Variants in RERE observed in about 807,000 individuals in gnomAD.
RERE encodes the protein arginine-glutamic acid dipeptide repeats, also known as arginine-glutamic acid dipeptide repeats protein.
Under a neutral mutation model 146.1 loss-of-function variants are expected in RERE, and 40 were observed. The observed-to-expected ratio is 0.27, with a 90% CI of 0.21 to 0.36. RERE has a LOEUF of 0.36. RERE is among the 10% of genes least tolerant of loss of function. The pLI is 1.00. For missense variants in RERE, 1,933 were observed against 2,138.7 expected, an observed-to-expected ratio of 0.90 and a Z score of 1.90; for synonymous variants, 1,003 against 866.0, an observed-to-expected ratio of 1.16 and a Z score of -2.78.
intron 1 of RERE, among the ~76,000 whole-genome samples, chr1:8,794,444 A>G (rs887031020): frequency 6.6e-6 from 1 of 151,904 alleles, no homozygotes; most frequent in African/African-American, 2.4e-5. Flanking sequence ...TTTATATTAA[A>G]GGGTCCTGGA....
At chr1:8,563,610 A>G (rs1478602859) in intron 4 of RERE, among the ~76,000 whole-genome samples, 4 of 152,220 alleles carry the variant, frequency 2.6e-5, no homozygotes, top group Non-Finnish European at 5.9e-5. Flanking sequence ...TAGCAAATAA[A>G]TAACTTTGCC....
chr1:8,618,332 T>G (rs1186572609), intron 3 of RERE, among the ~76,000 whole-genome samples: 5 of 152,156 alleles, frequency 3.3e-5, no homozygotes, highest in Non-Finnish European at 7.3e-5. Context: ...GAGGCTTAAG[T>G]GTATTTCCTA....
At chr1:8,794,354 T>C (rs1641424693) in intron 1 of RERE, among the ~76,000 whole-genome samples, 2 of 93,148 alleles carry the variant, frequency 2.1e-5, no homozygotes, top group Admixed American at 1.7e-4. Flanking sequence ...CGAGACTCCG[T>C]CTCAAAAAAA....
chr1:8,646,028 T>C (rs1225632141), intron 2 of RERE, among the ~76,000 whole-genome samples: 1 of 151,970 alleles, frequency 6.6e-6, no homozygotes, highest in Non-Finnish European at 1.5e-5. Context: ...TCCAAAGACA[T>C]ACAACTAAGA....
chr1:8,542,988 A>C (rs1359147602), intron 6 of RERE, among the ~76,000 whole-genome samples: 1 of 152,200 alleles, frequency 6.6e-6, no homozygotes, highest in African/African-American at 2.4e-5. Flanking sequence ...ATTTTATTTG[A>C]TCTTAACAAA....
At chr1:8,596,635 A>C (rs1439755781) in intron 4 of RERE, among the ~76,000 whole-genome samples, 3 of 150,006 alleles carry the variant, frequency 2.0e-5, no homozygotes, top group South Asian at 2.1e-4. Flanking sequence ...TGGCCTCCCA[A>C]GTAGTTGGGA....
At chr1:8,458,074 A>G (rs1256346067) in intron 11 of RERE, among the ~76,000 whole-genome samples, 7 of 152,278 alleles carry the variant, frequency 4.6e-5, no homozygotes, top group East Asian at 1.9e-4. Flanking sequence ...TAAGACTCCA[A>G]TGTCACTATA....
chr1:8,400,396 C>T (rs1370713689), intron 12 of RERE, among the ~76,000 whole-genome samples: 1 of 151,956 alleles, frequency 6.6e-6, no homozygotes, highest in Admixed American at 6.6e-5. Flanking sequence ...GGACTACAGG[C>T]GCATGCCACC....
intron 1 of RERE, chr1:8,751,011 C>T (rs113921378): frequency 4.7e-6 from 3 of 643,566 alleles, no homozygotes; most frequent in Non-Finnish European, 8.4e-6. Flanking sequence ...GAGATCTAAA[C>T]TATTGGAAAA....
intron 11 of RERE, among the ~76,000 whole-genome samples, chr1:8,461,540 G>A (rs1570276625): frequency 1.3e-5 from 2 of 152,086 alleles, no homozygotes; most frequent in South Asian, 2.1e-4. Flanking sequence ...TGCAGTATCC[G>A]GTACAGAATT....
At chr1:8,473,634 T>A (rs1644718051) in intron 10 of RERE, among the ~76,000 whole-genome samples, 1 of 152,160 alleles carries the variant, frequency 6.6e-6, no homozygotes, top group South Asian at 2.1e-4. Context: ...TAACAACTAG[T>A]CAATACCTTC....
intron 1 of RERE, among the ~76,000 whole-genome samples, chr1:8,795,812 G>A (rs559710131): frequency 5.3e-5 from 8 of 152,008 alleles, no homozygotes; most frequent in East Asian, 3.9e-4. Context: ...GAGAAACTCC[G>A]TCTCTACCAA....
intron 12 of RERE, among the ~76,000 whole-genome samples, chr1:8,391,941 C>T (rs982988562): frequency 2.6e-5 from 4 of 152,120 alleles, no homozygotes; most frequent in South Asian, 2.1e-4. Context: ...GCATGAGAAT[C>T]GTTTGAACTT....
intron 12 of RERE, among the ~76,000 whole-genome samples, chr1:8,421,249 T>C (rs1643905686): frequency 6.6e-6 from 1 of 152,352 alleles, no homozygotes; most frequent in East Asian, 1.9e-4. Context: ...TCTTTTTTAC[T>C]CAGCCAAACC....
chr1:8,709,094 A>AT (rs1639616740), intron 1 of RERE, among the ~76,000 whole-genome samples: 1 of 150,342 alleles, frequency 6.7e-6, no homozygotes, highest in Non-Finnish European at 1.5e-5. Flanking sequence ...TTTTTTTTGT[A>AT]TTTTTTTAGT....
At chr1:8,635,664 T>G (rs1228795506) in intron 2 of RERE, among the ~76,000 whole-genome samples, 1 of 152,086 alleles carries the variant, frequency 6.6e-6, no homozygotes, top group Non-Finnish European at 1.5e-5. Flanking sequence ...GAGGAAAAAT[T>G]AAGACTTCCC....
At chr1:8,464,464 C>A (rs549194179) in intron 11 of RERE, among the ~76,000 whole-genome samples, 11 of 152,200 alleles carry the variant, frequency 7.2e-5, no homozygotes, top group African/African-American at 2.7e-4. Context: ...CCGGACTCAG[C>A]GGCCAGTGTG....
intron 12 of RERE, among the ~76,000 whole-genome samples, chr1:8,382,928 TC>T (rs1183051529): frequency 6.6e-6 from 1 of 151,960 alleles, no homozygotes; most frequent in Non-Finnish European, 1.5e-5. Flanking sequence ...CAGGATTTTT[TC>T]TTGAAAATCC....
chr1:8,401,698 T>C (rs1298384899), intron 12 of RERE, among the ~76,000 whole-genome samples: 1 of 151,150 alleles, frequency 6.6e-6, no homozygotes, highest in Non-Finnish European at 1.5e-5. Flanking sequence ...AGGTCGAGGC[T>C]GCAGTGAGCC....
Sources: gnomAD v4.1 joint callset for allele counts (sites outside exome capture counted in the v4.1 genomes callset) on GRCh38, gnomAD v4.1.1 for gene constraint, MANE v1.5 for transcripts, NCBI Gene and HGNC (gene_info 2026-07-23, HGNC 2026-07-21) for gene names.